Variants in GABRG3 observed in about 807,000 individuals in gnomAD.
The protein encoded by GABRG3 is gamma-aminobutyric acid type A receptor subunit gamma3, also known as gamma-aminobutyric acid receptor subunit gamma-3.
A neutral mutation model predicts 48.8 loss-of-function variants in GABRG3; 25 were observed. That is an observed-to-expected ratio of 0.51 (90% CI 0.37 to 0.72). GABRG3 has a LOEUF of 0.72. Ranked by LOEUF, GABRG3 falls within the 30% of genes least tolerant of loss-of-function variation. The pLI is 0.00. For synonymous variants in GABRG3, 227 were observed against 217.6 expected, an observed-to-expected ratio of 1.04 and a Z score of -0.38; for missense variants, 394 against 577.9, an observed-to-expected ratio of 0.68 and a Z score of 3.26.
At chr15:27,062,280 A>G (rs897483544) in intron 3 of GABRG3, among the ~76,000 whole-genome samples, 1 of 151,670 alleles carries the variant, frequency 6.6e-6, no homozygotes, top group Admixed American at 6.6e-5. Flanking sequence ...GGTGCTGGTG[A>G]GTTCACCCTG....
intron 5 of GABRG3, among the ~76,000 whole-genome samples, chr15:27,414,587 G>A (rs909586692): frequency 3.3e-5 from 5 of 152,216 alleles, no homozygotes; most frequent in African/African-American, 1.2e-4. Context: ...GCTTGGTACT[G>A]ATGAAGCATC....
chr15:27,370,133 A>G (rs1481393298), intron 5 of GABRG3, among the ~76,000 whole-genome samples: 10 of 152,352 alleles, frequency 6.6e-5, no homozygotes, highest in Non-Finnish European at 1.5e-4. Flanking sequence ...GCATGCTTCC[A>G]TGGAATTAAA....
intron 3 of GABRG3, among the ~76,000 whole-genome samples, chr15:27,271,106 G>A (rs1270155641): frequency 7.2e-5 from 11 of 152,166 alleles, no homozygotes; most frequent in Admixed American, 3.9e-4. Flanking sequence ...GAGGTGAAGC[G>A]CTAACCCTAC....
intron 3 of GABRG3, chr15:27,157,786 G>C (rs866051400): frequency 4.6e-5 from 7 of 152,294 alleles, no homozygotes; most frequent in Admixed American, 2.6e-4. Flanking sequence ...CAACAGACAA[G>C]GCACAATATA....
intron 3 of GABRG3, among the ~76,000 whole-genome samples, chr15:27,207,299 G>A (rs2049370406): frequency 6.6e-6 from 1 of 152,162 alleles, no homozygotes. Flanking sequence ...TCAACACCTT[G>A]TTTTCTAAAA....
chr15:27,209,647 G>C (rs1889007098), intron 3 of GABRG3, among the ~76,000 whole-genome samples: 1 of 152,266 alleles, frequency 6.6e-6, no homozygotes, highest in East Asian at 1.9e-4. Context: ...GGCCTCCCTG[G>C]TCTTATACAG....
At chr15:27,126,959 G>A (rs1185234186) in intron 3 of GABRG3, among the ~76,000 whole-genome samples, 1 of 152,164 alleles carries the variant, frequency 6.6e-6, no homozygotes, top group East Asian at 1.9e-4. Flanking sequence ...GGCAGGTCAG[G>A]CACCTACAGA....
intron 6 of GABRG3, among the ~76,000 whole-genome samples, chr15:27,486,911 C>T (rs555828874): frequency 1.3e-5 from 2 of 152,282 alleles, no homozygotes; most frequent in South Asian, 4.1e-4. Context: ...CATGCTCCAA[C>T]AGGATGCTAT....
chr15:27,467,331 C>T (rs374673603), intron 5 of GABRG3, among the ~76,000 whole-genome samples: 2 of 152,340 alleles, frequency 1.3e-5, no homozygotes, highest in Admixed American at 6.5e-5. Flanking sequence ...AGGACTTCAA[C>T]GTATGAATTT....
At chr15:27,001,929 T>A (rs1461573998) in intron 2 of GABRG3, among the ~76,000 whole-genome samples, 1 of 142,984 alleles carries the variant, frequency 7.0e-6, no homozygotes, top group East Asian at 2.1e-4. Context: ...CAAACTAGAG[T>A]GTTTAGGGAT....
chr15:27,072,281 A>G (rs1028279187), intron 3 of GABRG3, among the ~76,000 whole-genome samples: 1 of 152,156 alleles, frequency 6.6e-6, no homozygotes, highest in African/African-American at 2.4e-5. Flanking sequence ...ACTCGGTAAC[A>G]TTGTGAGGTA....
intron 3 of GABRG3, among the ~76,000 whole-genome samples, chr15:27,229,409 C>T (rs1029935879): frequency 1.3e-5 from 2 of 151,678 alleles, no homozygotes; most frequent in African/African-American, 4.9e-5. Flanking sequence ...AGCCTTATTT[C>T]TGGGCTCTCT....
At position 27,216,779 on chromosome 15, in the gene GABRG3, T is replaced by A. The variant is rs1191147052; in HGVS notation, c.271-110030T>A. On this transcript the variant is annotated intron_variant, in intron 3 of 9. Transcript: ENST00000615808. ...ATTTATTTATTTATTTATTTTTTAA[T>A]TTTTTTTTTTATTATACTCTAAGTT... Among the ~76,000 whole-genome samples, 47 of 41,492 alleles carry A rather than the reference T, an allele frequency of 1.1e-3. No individual in the cohort carries two copies. In the Admixed American group the frequency reaches 0.012, roughly 11 times the overall value. The allele number at this position is 41,492 out of a possible 152,430, so 27.2% of individuals were successfully genotyped here.
At chr15:27,164,479 C>T (rs1887308506) in intron 3 of GABRG3, among the ~76,000 whole-genome samples, 1 of 152,198 alleles carries the variant, frequency 6.6e-6, no homozygotes, top group Non-Finnish European at 1.5e-5. Context: ...CTACTGGGTT[C>T]TCAGTTGCAG....
Position 27,319,699 on chromosome 15 carries a change from G to A in GABRG3, c.271-7110G>A, listed in dbSNP as rs1371353672. On this transcript the variant is annotated intron_variant, in intron 3 of 9. Transcript: ENST00000615808. This position sits in a 1 kb window ranked among gnomAD's most constrained non-coding sequence, Gnocchi z 4.4. ...ATGGGGAGGAAGGGAGGTCTGTGCCGGGATGTTGTACCAATGCGTGCACCA... is the reference window on the plus strand; with the variant it reads ...ATGGGGAGGAAGGGAGGTCTGTGCCAGGATGTTGTACCAATGCGTGCACCA... 1.3e-5 allele frequency among the ~76,000 whole-genome samples: 2 copies of A among 152,082 alleles called. No homozygotes were observed. Among genetic ancestry groups the A allele is most frequent in the Admixed American group, 6.5e-5 (1 of 15,270 alleles).
At chr15:27,339,229 G>T (rs1894082131) in intron 5 of GABRG3, among the ~76,000 whole-genome samples, 2 of 152,230 alleles carry the variant, frequency 1.3e-5, no homozygotes, top group Admixed American at 1.3e-4. Context: ...ACCTTCCCAG[G>T]TGAGGGCGGA....
At chr15:27,494,850 AT>A (rs1481202956) in intron 6 of GABRG3, among the ~76,000 whole-genome samples, 4 of 151,668 alleles carry the variant, frequency 2.6e-5, no homozygotes, top group Non-Finnish European at 5.9e-5. Flanking sequence ...TCTGTTCTTT[AT>A]TGTTTCCCTG....
intron 2 of GABRG3, among the ~76,000 whole-genome samples, chr15:27,005,748 C>T (rs1050236435): frequency 3.3e-5 from 5 of 152,136 alleles, no homozygotes; most frequent in Non-Finnish European, 7.3e-5. Flanking sequence ...TACAGCATCA[C>T]TTTTATGATA....
intron 3 of GABRG3, among the ~76,000 whole-genome samples, chr15:27,137,140 C>G (rs535925780): frequency 1.3e-5 from 2 of 152,218 alleles, no homozygotes; most frequent in Non-Finnish European, 2.9e-5. Context: ...TTGCCGTCCT[C>G]AAGATGCAGT....
Sources: allele counts gnomAD v4.1 joint callset (sites outside exome capture counted in the v4.1 genomes callset), GRCh38; gene constraint gnomAD v4.1.1; non-coding constraint Gnocchi (gnomAD v3.1); transcripts MANE v1.5; gene names NCBI Gene and HGNC (gene_info 2026-07-23, HGNC 2026-07-21).